PAGE5: variants seen among roughly 807,000 people sequenced by gnomAD.
The protein encoded by PAGE5 is P antigen family member 5.
Under a neutral mutation model 8.1 loss-of-function variants are expected in PAGE5, and 8 were observed. That is an observed-to-expected ratio of 0.98 (90% CI 0.58 to 1.77). PAGE5 has a LOEUF of 1.77. Ranked by LOEUF, PAGE5 falls within the 40% of genes most tolerant of loss-of-function variation. PAGE5 has a pLI of 0.00. For missense variants in PAGE5, 64 were observed against 77.6 expected (o/e 0.82, Z 0.66); for synonymous variants, 30 against 27.0 (o/e 1.11, Z -0.35).
At chrX:55,220,662 G>A (rs1217889188) in intron 1 of PAGE5, 3 of 1,196,237 alleles carry the variant, frequency 2.5e-6, no homozygotes, top group Non-Finnish European at 3.4e-6. Flanking sequence ...GTAGGCCGTG[G>A]AGGGGGTAGA....
Position 55,220,451 on chromosome X carries a change from C to T in PAGE5, c.-10C>T, listed in dbSNP as rs1372618206. ...TCTTTCTCACTGACCGAGACTCAGCCGGTAGGTCTGCAGAGTGGTCTTCCT... is the reference window on the plus strand; with the variant it reads ...TCTTTCTCACTGACCGAGACTCAGCTGGTAGGTCTGCAGAGTGGTCTTCCT... On this transcript the variant is annotated splice_region_variant and 5_prime_UTR_variant, in exon 1 of 5. Transcript: ENST00000374955. The T allele has an allele frequency of 3.2e-5, 17 of 530,400 alleles. No individual in the cohort carries two copies. Among genetic ancestry groups the T allele is most frequent in the Admixed American group, 5.8e-5 (2 of 34,579 alleles). The allele number at this position is 530,400 out of a possible 1,213,427, so 43.7% of individuals were successfully genotyped here.
intron 1 of PAGE5, 122 bp from the exon 2 acceptor site, chrX:55,221,253 T>C: frequency 1.6e-6 from 1 of 640,882 alleles, no homozygotes; most frequent in Non-Finnish European, 2.4e-6. Context: ...CAATGCTCTG[T>C]GACTTAGTTT....
intron 1 of PAGE5, 112 bp downstream of exon 1, chrX:55,220,564 G>T (rs759982638): frequency 2.6e-6 from 3 of 1,170,782 alleles, no homozygotes; most frequent in Non-Finnish European, 3.4e-6. Context: ...AGGGAAAAGG[G>T]CCTCGCGGTG....
chrX:55,223,238 G>A (rs1233851045), intron 4 of PAGE5, among the ~76,000 whole-genome samples: 1 of 112,466 alleles, frequency 8.9e-6, no homozygotes, highest in Non-Finnish European at 1.9e-5. Flanking sequence ...ACTTTTAAAT[G>A]TAAGTCATGT....
chrX:55,220,376 G>A lies in PAGE5; in HGVS notation c.-85G>A, dbSNP rs961748800. On this transcript the variant is annotated 5_prime_UTR_variant, in exon 1 of 5. Coordinates refer to ENST00000374955, the MANE Select transcript of PAGE5 (RefSeq NM_001013435.3). Reference sequence around the variant, plus strand: ...GTCTAGGCAGAGCTCTGCAAGGAGAGGTTGTGTCTTCGTTCTTTCCGCCAT... The same window carrying A: ...GTCTAGGCAGAGCTCTGCAAGGAGAAGTTGTGTCTTCGTTCTTTCCGCCAT... 3 of 415,094 alleles carry A rather than the reference G, an allele frequency of 7.2e-6. No homozygotes were observed. In the African/African-American group the frequency reaches 7.4e-5, roughly 10 times the overall value. The allele number at this position is 415,094 out of a possible 1,213,427, so 34.2% of individuals were successfully genotyped here.
intron 1 of PAGE5, chrX:55,220,690 G>A (rs1201091554): frequency 3.5e-6 from 4 of 1,154,962 alleles, no homozygotes; most frequent in East Asian, 3.1e-5. Context: ...AAGATGGTGC[G>A]AGTCCTGGGG....
chrX:55,221,594 A>G, intron 2 of PAGE5, 131 bp downstream of exon 2: 2 of 932,623 alleles, frequency 2.1e-6, no homozygotes, highest in Non-Finnish European at 2.9e-6. Flanking sequence ...CATGAAGGCA[A>G]CTTTGGTTCA....
chrX:55,222,152 C>A (rs1429197989), intron 3 of PAGE5, among the ~76,000 whole-genome samples: 1 of 112,106 alleles, frequency 8.9e-6, no homozygotes, highest in African/African-American at 3.2e-5. Flanking sequence ...CAGCTATTTT[C>A]TGTTTTTTGT....
Position 55,222,750 on chromosome X carries a change from T to A in PAGE5, c.316+4T>A. The stretch of plus-strand genomic sequence containing the variant: ...CCCACTAAAGTGCTGGAAGCAGGTA[T>A]GTTATTCAATAAGATGCAAATTATA... On this transcript the variant is annotated splice_donor_region_variant and intron_variant, in intron 4 of 4. Transcript: ENST00000374955. 8.3e-7 allele frequency: 1 copy of A among 1,206,878 alleles called. No homozygotes were observed. Among genetic ancestry groups the A allele is most frequent in the Non-Finnish European group, 1.1e-6 (1 of 892,915 alleles).
Sources: allele counts gnomAD v4.1 joint callset (sites outside exome capture counted in the v4.1 genomes callset), GRCh38; gene constraint gnomAD v4.1.1; transcripts MANE v1.5; gene names NCBI Gene and HGNC (gene_info 2026-07-23, HGNC 2026-07-21).